GPI: variants seen among roughly 807,000 people sequenced by gnomAD.
GPI encodes the protein D-hexose-6-phosphate anomerase.
GPI carries 56 observed loss-of-function variants against 75.8 expected under a neutral mutation model. The observed-to-expected ratio is 0.74, with a 90% CI of 0.60 to 0.92. GPI has a LOEUF of 0.92. GPI is among the 40% of genes least tolerant of loss of function. The probability of loss-of-function intolerance (pLI) is 0.00; values close to 1 mark genes in which losing one functional copy is unlikely to be tolerated. For synonymous variants in GPI, 288 were observed against 285.4 expected (o/e 1.01, Z -0.09); for missense variants, 638 against 741.0 (o/e 0.86, Z 1.61).
intron 17 of GPI, 35 bp from the exon 18 acceptor site, chr19:34,399,866 C>T (rs1327808546): frequency 1.2e-6 from 2 of 1,613,954 alleles, no homozygotes; most frequent in Admixed American, 1.7e-5. Flanking sequence ...GAGCCTTCCT[C>T]ATACCACTCT....
chr19:34,366,132 G>A (rs1035767086), intron 1 of GPI: 2 of 696,710 alleles, frequency 2.9e-6, no homozygotes, highest in Non-Finnish European at 2.6e-6. Context: ...CTGCATCTAC[G>A]GTCTGTGAGG....
chr19:34,379,975 AGT>A (rs2074617755), intron 8 of GPI: 2 of 155,500 alleles, frequency 1.3e-5, no homozygotes, highest in Non-Finnish European at 2.4e-5. Flanking sequence ...CCCCCTACTT[AGT>A]GTGTGTGGTT....
chr19:34,394,008 C>T lies in GPI; in HGVS notation c.1004C>T (p.Thr335Ile). ...IWYINCFGCE[T>I]HAMLPYDQYL... ...TACATCAACTGCTTTGGGTGTGAGA[C>T]ACACGCCATGCTGCCCTATGACCAG... Residue 335 changes from threonine to isoleucine, a missense_variant, in exon 12 of 18, where the codon ACA (threonine) becomes ATA (isoleucine). Physicochemically the swap from Thr to Ile is moderately conservative, Grantham distance 89. Coordinates refer to ENST00000356487, the MANE Select transcript of GPI (RefSeq NM_000175.5). The T allele has an allele frequency of 6.2e-7, 1 of 1,613,276 alleles. No individual in the cohort carries two copies.
Position 34,393,591 on chromosome 19 carries a change from T to C in GPI, c.866-137T>C. 2 of 842,524 alleles carry C rather than the reference T, an allele frequency of 2.4e-6. No homozygotes were observed. The highest frequency in any genetic ancestry group is 2.8e-5 in the South Asian group (2 of 71,412). The allele number at this position is 842,524 out of a possible 1,614,324, so 52.2% of individuals were successfully genotyped here. ...AGGGCCACCTCTCACTGGAGGGGCT[T>C]TGTCTAGGTCCGAGTCCTCCCATGT... On this transcript the variant is annotated intron_variant, in intron 10 of 17. Coordinates refer to ENST00000356487, the MANE Select transcript of GPI (RefSeq NM_000175.5). This position sits in a 1 kb window ranked among gnomAD's most constrained non-coding sequence, Gnocchi z 4.4.
rs1466011162 is a variant in GPI, at chr19:34,377,567, G to T, written c.467G>T (p.Gly156Val). The change falls in exon 5 of 18, where the codon GGC becomes GTC. Residue 156 changes from glycine to valine, a missense_variant. By Grantham distance (109) the Gly-to-Val change is moderately radical. Coordinates refer to ENST00000356487, the MANE Select transcript of GPI (RefSeq NM_000175.5). ...ACCATCACGGACGTCATCAACATTG[G>T]CATTGGCGGCTCCGACCTGGTGAGG... ...GKTITDVINI[G>V]IGGSDLGPLM... 1.2e-6 allele frequency: 2 copies of T among 1,613,024 alleles called. No homozygotes were observed. The highest frequency in any genetic ancestry group is 3.3e-5 in the Admixed American group (2 of 59,934).
upstream of GPI, among the ~76,000 whole-genome samples, chr19:34,362,844 C>T (rs1239031978): frequency 2.0e-5 from 3 of 152,166 alleles, no homozygotes; most frequent in Admixed American, 6.5e-5. Context: ...CTGCAGGGCC[C>T]TGGAAAAGGA....
chr19:34,391,281 A>T (rs796431676), intron 9 of GPI, among the ~76,000 whole-genome samples: 2 of 5,156 alleles, frequency 3.9e-4, no homozygotes, highest in Admixed American at 5.0e-3. Flanking sequence ...GGGTCTGTCC[A>T]TGTCTAAGGA....
Position 34,393,982 on chromosome 19 carries a change from GT to G in GPI, c.979del (p.Tyr327ThrfsTer75). On this transcript the variant is annotated frameshift_variant, in exon 12 of 18. Transcript: ENST00000356487. LOFTEE classifies it high-confidence loss of function. This position sits in a 1 kb window ranked among gnomAD's most constrained non-coding sequence, Gnocchi z 4.4. ...PVLLALLGIW[Y>X]INCFGCETHA... Reference sequence around the variant, plus strand: ...TCTTGCTGGCCCTGCTGGGTATCTGGTACATCAACTGCTTTGGGTGTGAGAC... The same window carrying G: ...TCTTGCTGGCCCTGCTGGGTATCTGGACATCAACTGCTTTGGGTGTGAGAC... 1 of 1,613,494 alleles carries G rather than the reference GT, an allele frequency of 6.2e-7. No individual in the cohort carries two copies.
intron 8 of GPI, among the ~76,000 whole-genome samples, chr19:34,380,349 T>C (rs1457601465): frequency 6.6e-6 from 1 of 152,080 alleles, no homozygotes; most frequent in East Asian, 1.9e-4. Context: ...AGTGGTACGA[T>C]CTTGGCTCAC....
intron 3 of GPI, chr19:34,367,173 C>T (rs1440552297): frequency 2.3e-5 from 10 of 434,408 alleles, no homozygotes; most frequent in South Asian, 8.2e-5. Context: ...GTTTTAGTAG[C>T]GACAAGAAGA....
intron 16 of GPI, 23 bp from the exon 17 acceptor site, chr19:34,399,696 T>G: frequency 6.2e-7 from 1 of 1,613,918 alleles, no homozygotes; most frequent in Non-Finnish European, 8.5e-7. Context: ...AGCCCTGATG[T>G]GCCCTGTCTG....
intron 4 of GPI, among the ~76,000 whole-genome samples, chr19:34,373,071 C>T (rs2074479836): frequency 6.6e-6 from 1 of 151,092 alleles, no homozygotes; most frequent in African/African-American, 2.4e-5. Context: ...CGTGCCCAGC[C>T]TATTTTTTTT....
In GPI at chr19:34,400,653, G is replaced by T. The variant is rs1235225505; in HGVS notation, c.*617G>T. On this transcript the variant is annotated 3_prime_UTR_variant, in exon 18 of 18. Coordinates refer to ENST00000356487, the MANE Select transcript of GPI (RefSeq NM_000175.5). ...TATGTTTGTTTCGGGTGAATTCCTG[G>T]ACAAGACCGAGGATGACTGCCATCT... 2.5e-6 allele frequency: 1 copy of T among 406,560 alleles called. No homozygotes were observed. The highest frequency in any genetic ancestry group is 4.3e-6 in the Non-Finnish European group (1 of 230,518). The allele number at this position is 406,560 out of a possible 1,614,324, so 25.2% of individuals were successfully genotyped here.
At chr19:34,367,066 T>C (rs1309571444) in intron 3 of GPI, 4 of 693,378 alleles carry the variant, frequency 5.8e-6, no homozygotes, top group Non-Finnish European at 1.1e-5. Flanking sequence ...TGGTTCCCAG[T>C]GTCTGCCTGG....
chr19:34,401,865 A>C lies in GPI; in HGVS notation c.*1829A>C, dbSNP rs1034552270. 1 of 152,166 alleles carries C rather than the reference A, an allele frequency of 6.6e-6. No individual in the cohort carries two copies. The highest frequency in any genetic ancestry group is 2.4e-5 in the African/African-American group (1 of 41,438). The allele number at this position is 152,166 out of a possible 1,614,324, so 9.4% of individuals were successfully genotyped here. ...TGCTTTGTTGCCCAGGCTGGAGTGCAGTGGTGTGATCTCGGCTCACTGCAA... is the reference window on the plus strand; with the variant it reads ...TGCTTTGTTGCCCAGGCTGGAGTGCCGTGGTGTGATCTCGGCTCACTGCAA... On this transcript the variant is annotated 3_prime_UTR_variant, in exon 18 of 18. Coordinates refer to ENST00000356487, the MANE Select transcript of GPI (RefSeq NM_000175.5).
At chr19:34,379,340 G>A (rs1382569997) in intron 7 of GPI, among the ~76,000 whole-genome samples, 178 bp from the exon 8 acceptor site, 1 of 152,178 alleles carries the variant, frequency 6.6e-6, no homozygotes, top group Non-Finnish European at 1.5e-5. Flanking sequence ...ATGAGCAGGC[G>A]GCCTGTGACC....
intron 3 of GPI, among the ~76,000 whole-genome samples, chr19:34,367,352 C>A (rs1417415674): frequency 6.6e-6 from 1 of 152,130 alleles, no homozygotes; most frequent in Non-Finnish European, 1.5e-5. Context: ...CATTATCCTC[C>A]TCTTACATGT....
chr19:34,399,039 G>C, intron 14 of GPI, 168 bp from the exon 15 acceptor site: 3 of 579,996 alleles, frequency 5.2e-6, no homozygotes, highest in Admixed American at 6.1e-5. Flanking sequence ...AGTTATCACT[G>C]TTCCCTGCCT....
At chr19:34,381,054 C>T (rs1200394559) in intron 8 of GPI, 1 of 329,612 alleles carries the variant, frequency 3.0e-6, no homozygotes, top group Non-Finnish European at 5.9e-6. Flanking sequence ...GTTTGTTTGC[C>T]TGGCCTGGTA....
Sources: gnomAD v4.1 joint callset for allele counts (sites outside exome capture counted in the v4.1 genomes callset) on GRCh38, gnomAD v4.1.1 for gene constraint, Gnocchi (gnomAD v3.1) non-coding constraint, MANE v1.5 for transcripts, NCBI Gene and HGNC (gene_info 2026-07-23, HGNC 2026-07-21) for gene names.